Variants in SLX4IP observed in about 807,000 individuals in gnomAD.
SLX4IP encodes SLX4 interacting protein.
In SLX4IP, 34 loss-of-function variants were observed where a neutral mutation model predicts 32.9. The observed-to-expected ratio is 1.03, with a 90% CI of 0.79 to 1.38. The LOEUF (loss-of-function observed/expected upper bound fraction) is 1.38. Among genes scored for constraint, SLX4IP ranks in the 40% most tolerant of loss-of-function variants. The pLI, the probability that SLX4IP is intolerant of heterozygous loss-of-function variation, is 0.00. For synonymous variants in SLX4IP, 172 were observed against 171.7 expected (o/e 1.00, Z -0.01); for missense variants, 444 against 479.0 (o/e 0.93, Z 0.68).
chr20:10,500,177 C>T (rs954917645), intron 2 of SLX4IP, among the ~76,000 whole-genome samples: 1 of 146,648 alleles, frequency 6.8e-6, no homozygotes, highest in Non-Finnish European at 1.5e-5. Context: ...CTCTGTTGCC[C>T]AGGCTGGAGT....
intron 4 of SLX4IP, among the ~76,000 whole-genome samples, chr20:10,595,637 G>A (rs1438180991): frequency 1.3e-5 from 2 of 152,174 alleles, no homozygotes; most frequent in African/African-American, 4.8e-5. Context: ...AGATAAGAAT[G>A]TAGTCTTTAT....
chr20:10,456,451 C>T (rs1359013353), intron 1 of SLX4IP, among the ~76,000 whole-genome samples: 1 of 152,134 alleles, frequency 6.6e-6, no homozygotes, highest in African/African-American at 2.4e-5. Context: ...AAGCGATTCT[C>T]CTGCCTCAGC....
intron 1 of SLX4IP, among the ~76,000 whole-genome samples, chr20:10,441,927 G>A (rs6077794): frequency 0.49 from 74,473 of 151,862 alleles, 19,727 homozygotes; most frequent in Non-Finnish European, 0.6. Flanking sequence ...TGTTTTGGTG[G>A]TAAGATTGGT....
chr20:10,576,005 T>C (rs1439834249), intron 4 of SLX4IP, among the ~76,000 whole-genome samples: 1 of 152,176 alleles, frequency 6.6e-6, no homozygotes, highest in Admixed American at 6.5e-5. Flanking sequence ...ATTTGCTACC[T>C]GAATATCTTG....
At chr20:10,531,593 T>C (rs1262275193) in intron 2 of SLX4IP, among the ~76,000 whole-genome samples, 1 of 152,226 alleles carries the variant, frequency 6.6e-6, no homozygotes, top group African/African-American at 2.4e-5. Context: ...CTCATGGAGA[T>C]GGCATTTCAG....
chr20:10,480,933 A>G (rs2065515731), intron 2 of SLX4IP, among the ~76,000 whole-genome samples: 1 of 152,172 alleles, frequency 6.6e-6, no homozygotes, highest in Admixed American at 6.6e-5. Context: ...GATATTGAAT[A>G]TTGCTCTGGG....
At chr20:10,584,037 G>A (rs1027854917) in intron 4 of SLX4IP, among the ~76,000 whole-genome samples, 3 of 152,006 alleles carry the variant, frequency 2.0e-5, no homozygotes, top group African/African-American at 7.2e-5. Context: ...ATCATCATAA[G>A]GCTTACATAT....
At position 10,516,997 on chromosome 20, in the gene SLX4IP, C is replaced by A. The variant is rs183764144; in HGVS notation, c.28-39234C>A. Among the ~76,000 whole-genome samples, 11 of 152,266 alleles carry A rather than the reference C, an allele frequency of 7.2e-5. No individual in the cohort carries two copies. The East Asian group carries it at 1.9e-3, about 27-fold the overall frequency. ...AGATCAAGATTATCTTTTAGGTCAACCTGCAACTTAAAACCTGCTGGACTA... is the reference window on the plus strand; with the variant it reads ...AGATCAAGATTATCTTTTAGGTCAAACTGCAACTTAAAACCTGCTGGACTA... On this transcript the variant is annotated intron_variant, in intron 2 of 7. Coordinates refer to ENST00000334534, the MANE Select transcript of SLX4IP (RefSeq NM_001009608.3).
At chr20:10,468,182 C>T (rs2026318) in intron 2 of SLX4IP, among the ~76,000 whole-genome samples, 74,763 of 152,018 alleles carry the variant, frequency 0.49, 19,891 homozygotes, top group Non-Finnish European at 0.6. Flanking sequence ...AATGATGTCT[C>T]GTCCTTCATT....
chr20:10,445,304 T>C (rs2065192409), intron 1 of SLX4IP, among the ~76,000 whole-genome samples: 1 of 143,258 alleles, frequency 7.0e-6, no homozygotes, highest in Non-Finnish European at 1.5e-5. Context: ...CTTTTTCTTT[T>C]TTCTTTCTTT....
intron 2 of SLX4IP, among the ~76,000 whole-genome samples, chr20:10,478,023 A>T (rs7274256): frequency 6.6e-6 from 1 of 150,832 alleles, no homozygotes; most frequent in Non-Finnish European, 1.5e-5. Flanking sequence ...CTCAGCCTCC[A>T]GAGTAGCTGG....
chr20:10,529,969 T>C (rs547335007), intron 2 of SLX4IP, among the ~76,000 whole-genome samples: 1 of 152,272 alleles, frequency 6.6e-6, no homozygotes, highest in African/African-American at 2.4e-5. Flanking sequence ...ACCAGCAGGG[T>C]TGGCAGCGTG....
chr20:10,610,281 A>T (rs1049021122), intron 6 of SLX4IP, among the ~76,000 whole-genome samples: 9 of 152,410 alleles, frequency 5.9e-5, no homozygotes, highest in African/African-American at 2.2e-4. Context: ...AGATCTACAC[A>T]AGAGCTTCAC....
intron 2 of SLX4IP, among the ~76,000 whole-genome samples, chr20:10,484,372 C>T (rs547217923): frequency 6.6e-6 from 1 of 152,294 alleles, no homozygotes; most frequent in South Asian, 2.1e-4. Context: ...ATAGCCTTCA[C>T]TTCCTCCTTT....
chr20:10,541,275 A>G (rs1283438343), intron 2 of SLX4IP, among the ~76,000 whole-genome samples: 1 of 152,230 alleles, frequency 6.6e-6, no homozygotes, highest in Admixed American at 6.5e-5. Flanking sequence ...AGTCCCTATC[A>G]TTCCCTCACA....
chr20:10,511,919 A>G (rs1410774191), intron 2 of SLX4IP, among the ~76,000 whole-genome samples: 1 of 152,250 alleles, frequency 6.6e-6, no homozygotes, highest in Non-Finnish European at 1.5e-5. Context: ...TGCATAGTAA[A>G]AACTCATGCC....
intron 2 of SLX4IP, among the ~76,000 whole-genome samples, chr20:10,469,646 AC>A (rs1170588041): frequency 6.6e-6 from 1 of 152,194 alleles, no homozygotes; most frequent in Admixed American, 6.5e-5. Flanking sequence ...AGGATCTCTT[AC>A]CAAATAGATG....
intron 2 of SLX4IP, among the ~76,000 whole-genome samples, chr20:10,480,812 C>T (rs1296172216): frequency 7.2e-5 from 11 of 152,158 alleles, no homozygotes; most frequent in Non-Finnish European, 1.3e-4. Context: ...TGCTTGAGAA[C>T]GTGTCCTCTT....
intron 4 of SLX4IP, among the ~76,000 whole-genome samples, chr20:10,563,641 A>G (rs1157296090): frequency 6.6e-6 from 1 of 152,202 alleles, no homozygotes; most frequent in African/African-American, 2.4e-5. Context: ...CGGTTTTCCC[A>G]GCAGCATTTA....
Sources: allele counts gnomAD v4.1 joint callset (sites outside exome capture counted in the v4.1 genomes callset), GRCh38; gene constraint gnomAD v4.1.1; transcripts MANE v1.5; gene names NCBI Gene and HGNC (gene_info 2026-07-23, HGNC 2026-07-21).